TRMT11: variants seen among roughly 807,000 people sequenced by gnomAD.
The protein encoded by TRMT11 is tRNA methyltransferase 11.
A neutral mutation model predicts 62.8 loss-of-function variants in TRMT11; 53 were observed. The observed-to-expected ratio is 0.84, with a 90% CI of 0.68 to 1.06. The LOEUF is 1.06. Ranked by LOEUF, TRMT11 falls within the 50% of genes least tolerant of loss-of-function variation. TRMT11 has a pLI of 0.00. For missense variants in TRMT11, 556 were observed against 553.4 expected (o/e 1.00, Z -0.05); for synonymous variants, 188 against 190.3 (o/e 0.99, Z 0.10).
rs1377818521 is a variant in TRMT11, at chr6:126,187,296, A to G, written n.143+9961A>G. Among the ~76,000 whole-genome samples, 7 of 152,032 alleles carry G rather than the reference A, an allele frequency of 4.6e-5. No individual in the cohort carries two copies. In the East Asian group the frequency reaches 1.2e-3, roughly 25 times the overall value. On this transcript the variant is annotated intron_variant and non_coding_transcript_variant, in intron 1 of 3. Transcript: ENST00000444229. ...ATCCAAGATTGATATAAAATAGTCA[A>G]TTGAATTGTTATATACTGGCAGCTA...
At chr6:126,115,808 T>C (rs903430634) in exon 21 of TRMT11, among the ~76,000 whole-genome samples, 1 of 152,018 alleles carries the variant, frequency 6.6e-6, no homozygotes, top group African/African-American at 2.4e-5. Flanking sequence ...CTTCTTCCTG[T>C]TCCCATTAGT....
chr6:126,078,499 A>G (rs867212144), intron 17 of TRMT11, among the ~76,000 whole-genome samples: 1 of 151,348 alleles, frequency 6.6e-6, no homozygotes, highest in African/African-American at 2.4e-5. Context: ...CCATGATGTG[A>G]AGAGGTTTCT....
At chr6:126,048,454 C>A (rs1562305596) in intron 16 of TRMT11, among the ~76,000 whole-genome samples, 1 of 152,172 alleles carries the variant, frequency 6.6e-6, no homozygotes, top group Non-Finnish European at 1.5e-5. Context: ...TGAAGACATC[C>A]TTCCTTAGGG....
chr6:126,198,281 C>G (rs895577175), intron 1 of TRMT11, among the ~76,000 whole-genome samples: 1 of 151,988 alleles, frequency 6.6e-6, no homozygotes, highest in African/African-American at 2.4e-5. Flanking sequence ...TGGAGGAAAC[C>G]ATTGTAGGGA....
intron 21 of TRMT11, among the ~76,000 whole-genome samples, chr6:126,150,240 T>G (rs796242967): frequency 6.6e-6 from 1 of 152,164 alleles, no homozygotes; most frequent in Non-Finnish European, 1.5e-5. Flanking sequence ...TGATACCCTG[T>G]GCAGCTTTGG....
chr6:125,996,038 C>T lies in TRMT11; in HGVS notation c.210C>T (p.Ala70=). 6.2e-7 allele frequency: 1 copy of T among 1,601,884 alleles called. No individual in the cohort carries two copies. ...ATTTGATGAAACGGACAGTGTGTGCCAAGTAAGAGAAACTTATGTTCTCCT... is the reference window on the plus strand; with the variant it reads ...ATTTGATGAAACGGACAGTGTGTGCTAAGTAAGAGAAACTTATGTTCTCCT... ...ARNLMKRTVC[A]KSIFELWGHG... is the part of the protein sequence containing the mutation. The change falls in exon 3 of 13, where the codon GCC becomes GCT. Residue 70 remains alanine (A), a splice_region_variant and synonymous_variant. Transcript: ENST00000334379.
intron 21 of TRMT11, among the ~76,000 whole-genome samples, chr6:126,160,790 G>A (rs1778181173): frequency 6.6e-6 from 1 of 152,128 alleles, no homozygotes; most frequent in African/African-American, 2.4e-5. Flanking sequence ...ACGTGTTAAA[G>A]ACTAATGATA....
chr6:126,090,914 A>G (rs138893750), intron 17 of TRMT11, among the ~76,000 whole-genome samples: 2 of 152,294 alleles, frequency 1.3e-5, no homozygotes, highest in African/African-American at 2.4e-5. Context: ...ATCTTGTTAA[A>G]TTAAATTTAG....
intron 21 of TRMT11, among the ~76,000 whole-genome samples, chr6:126,152,336 CAT>C (rs563096555): frequency 1.7e-4 from 26 of 148,906 alleles, no homozygotes; most frequent in Admixed American, 1.1e-3. Flanking sequence ...TTGAGAAAAA[CAT>C]GTGTGTTGAA....
intron 17 of TRMT11, among the ~76,000 whole-genome samples, chr6:126,092,290 G>T (rs866068001): frequency 0.01 from 1,589 of 152,254 alleles, 22 homozygotes; most frequent in African/African-American, 0.036. Flanking sequence ...TAAAGAAAAA[G>T]ATGTTTAATG....
chr6:126,260,235 A>G, the TRMT11 span, among the ~76,000 whole-genome samples: 1 of 152,084 alleles, frequency 6.6e-6, no homozygotes, highest in Non-Finnish European at 1.5e-5. Context: ...CTTTGTGGTT[A>G]TCACTGGGCT....
downstream of TRMT11, among the ~76,000 whole-genome samples, chr6:126,039,662 G>A (rs1468666307): frequency 6.6e-6 from 1 of 152,038 alleles, no homozygotes; most frequent in African/African-American, 2.4e-5. Context: ...AGTCCACATT[G>A]TGTCCATCAT....
rs142891013 is a variant in TRMT11, at chr6:126,048,475, G to A, written c.*1370-4648G>A. On this transcript the variant is annotated intron_variant and NMD_transcript_variant, in intron 16 of 22. Transcript: ENST00000648977. ...CATCCTTCCTTAGGGGCTTCAAACA[G>A]TGGAAACAAATTGTGGCGGCTGATA... Among the ~76,000 whole-genome samples the A allele has an allele frequency of 1.6e-3, 250 of 152,334 alleles. 3 individuals carry two copies. The highest frequency in any genetic ancestry group is 2.3e-3 in the Non-Finnish European group (154 of 68,010).
At chr6:126,257,380 G>A in the TRMT11 span, among the ~76,000 whole-genome samples, 6 of 152,112 alleles carry the variant, frequency 3.9e-5, no homozygotes, top group Middle Eastern at 6.8e-3. Context: ...TCTTTTAAAT[G>A]TGCTCCTGGA....
intron 1 of TRMT11, among the ~76,000 whole-genome samples, chr6:126,184,129 A>G (rs1383328880): frequency 1.3e-5 from 2 of 152,196 alleles, no homozygotes; most frequent in Admixed American, 1.3e-4. Flanking sequence ...GAGGAGTAAT[A>G]TGAGACTCAG....
At chr6:126,242,964 C>T in the TRMT11 span, among the ~76,000 whole-genome samples, 3 of 152,148 alleles carry the variant, frequency 2.0e-5, no homozygotes, top group African/African-American at 4.8e-5. Flanking sequence ...AGCTTCTGCA[C>T]AGGAAAAGAA....
intron 7 of TRMT11, among the ~76,000 whole-genome samples, chr6:126,001,691 C>A: frequency 1.3e-5 from 2 of 152,136 alleles, no homozygotes; most frequent in South Asian, 4.1e-4. Context: ...CTTATCCAGT[C>A]TCCTCTCACC....
At chr6:126,016,492 G>A (rs899746758) in intron 11 of TRMT11, among the ~76,000 whole-genome samples, 21 of 152,176 alleles carry the variant, frequency 1.4e-4, no homozygotes, top group African/African-American at 4.3e-4. Context: ...ATGTGGTTGA[G>A]AATTTATTTT....
intron 11 of TRMT11, among the ~76,000 whole-genome samples, chr6:126,015,073 A>G (rs1270051003): frequency 1.1e-5 from 1 of 87,468 alleles, no homozygotes; most frequent in Non-Finnish European, 2.1e-5. Context: ...TTCAAGTTGT[A>G]GGGCTAAAAT....
Sources: gnomAD v4.1 joint callset for allele counts (sites outside exome capture counted in the v4.1 genomes callset) on GRCh38, gnomAD v4.1.1 for gene constraint, MANE v1.5 for transcripts, NCBI Gene and HGNC (gene_info 2026-07-23, HGNC 2026-07-21) for gene names.